PSD3: variants seen among roughly 807,000 people sequenced by gnomAD.
The protein encoded by PSD3 is pleckstrin and Sec7 domain containing 3, also known as PH and SEC7 domain-containing protein 3.
Under a neutral mutation model 105.5 loss-of-function variants are expected in PSD3, and 49 were observed. The ratio of observed to expected loss-of-function variants is 0.46; its 90% CI spans 0.37 to 0.59. The LOEUF is 0.59. Among genes scored for constraint, PSD3 ranks in the 20% least tolerant of loss-of-function variants. The pLI is 0.00. For missense variants in PSD3, 1,561 were observed against 1,263.8 expected, an observed-to-expected ratio of 1.24 and a Z score of -3.57; for synonymous variants, 557 against 457.8, an observed-to-expected ratio of 1.22 and a Z score of -2.77.
intron 9 of PSD3, among the ~76,000 whole-genome samples, chr8:18,666,791 CAG>C (rs1230682892): frequency 2.0e-5 from 3 of 151,606 alleles, no homozygotes; most frequent in Admixed American, 1.3e-4. Flanking sequence ...AGTATGTCAA[CAG>C]AGAGAGCAAT....
Position 18,936,062 on chromosome 8 carries a change from G to A in PSD3, c.102C>T (p.Gly34=), listed in dbSNP as rs771491988. Residue 34 remains glycine, a synonymous_variant, in exon 2 of 16, where the codon GGC becomes GGT. Coordinates refer to ENST00000327040, the MANE Select transcript of PSD3 (RefSeq NM_015310.4). ...VAKAKYEFLF[G]RSEGKAPDTS... ...TATCTGGAGCTTTCCCTTCAGATCT[G>A]CCAAATAAAAATTCATATTTGGCCT... The A allele has an allele frequency of 6.2e-7, 1 of 1,612,658 alleles. No individual in the cohort carries two copies. Among genetic ancestry groups the A allele is most frequent in the Non-Finnish European group, 8.5e-7 (1 of 1,179,180 alleles).
chr8:18,686,880 G>C (rs1043200442), intron 9 of PSD3, among the ~76,000 whole-genome samples: 16 of 152,126 alleles, frequency 1.1e-4, no homozygotes, highest in African/African-American at 3.9e-4. Flanking sequence ...TACTAAGCTG[G>C]CTTCTCCTCA....
intron 9 of PSD3, among the ~76,000 whole-genome samples, chr8:18,731,480 C>A (rs944604867): frequency 1.3e-5 from 2 of 152,156 alleles, no homozygotes; most frequent in African/African-American, 4.8e-5. Context: ...ATTTACTGCC[C>A]TGTATCAAAC....
At chr8:19,023,941 G>C (rs182673279) in intron 1 of PSD3, among the ~76,000 whole-genome samples, 1 of 152,160 alleles carries the variant, frequency 6.6e-6, no homozygotes, top group Non-Finnish European at 1.5e-5. Flanking sequence ...GCACTGTACT[G>C]TACTGACTTG....
chr8:18,530,146 C>G lies in PSD3; in HGVS notation c.*5597G>C, dbSNP rs1319707622. On this transcript the variant is annotated 3_prime_UTR_variant, in exon 16 of 16. Coordinates refer to ENST00000327040, the MANE Select transcript of PSD3 (RefSeq NM_015310.4). ...GCACTCAGCCACTCACTCAAACACA[C>G]TCAGTCACTGCTTTAAATATACCAA... 6.6e-6 allele frequency: 1 copy of G among 152,604 alleles called. No individual in the cohort carries two copies. Among genetic ancestry groups the G allele is most frequent in the Admixed American group, 6.5e-5 (1 of 15,274 alleles). The allele number at this position is 152,604 out of a possible 1,614,324, so 9.5% of individuals were successfully genotyped here. A position where few individuals can be genotyped will look rare whatever the true frequency, so the allele number is the denominator to read the frequency against.
At chr8:18,671,916 C>A (rs987031557) in intron 9 of PSD3, among the ~76,000 whole-genome samples, 1 of 152,280 alleles carries the variant, frequency 6.6e-6, no homozygotes, top group African/African-American at 2.4e-5. Flanking sequence ...CAGGCGTGAG[C>A]CACTGCGCCG....
intron 10 of PSD3, among the ~76,000 whole-genome samples, chr8:18,644,152 A>G (rs185242114): frequency 2.0e-4 from 30 of 152,366 alleles, no homozygotes; most frequent in Admixed American, 1.8e-3. Context: ...TCTTGTATCC[A>G]TAACAATATC....
chr8:18,755,453 A>ATAACG, intron 9 of PSD3, among the ~76,000 whole-genome samples: 2 of 151,762 alleles, frequency 1.3e-5, no homozygotes, highest in Non-Finnish European at 2.9e-5. Flanking sequence ...ATAACATAAC[A>ATAACG]TAACATAACA....
chr8:18,551,361 C>A (rs1800758738), intron 15 of PSD3, among the ~76,000 whole-genome samples: 1 of 152,166 alleles, frequency 6.6e-6, no homozygotes. Flanking sequence ...ATTATCTGTG[C>A]TTCCAGATAT....
At chr8:18,586,112 G>C (rs931616666) in intron 12 of PSD3, among the ~76,000 whole-genome samples, 1 of 152,150 alleles carries the variant, frequency 6.6e-6, no homozygotes, top group African/African-American at 2.4e-5. Context: ...ACATATGGGA[G>C]CATAAACACA....
At chr8:18,827,065 G>A (rs921295209) in intron 4 of PSD3, among the ~76,000 whole-genome samples, 1 of 152,186 alleles carries the variant, frequency 6.6e-6, no homozygotes, top group Non-Finnish European at 1.5e-5. Context: ...GGAAAACAAA[G>A]TTCTCTCACT....
At chr8:18,904,850 C>A (rs1819737619) in intron 2 of PSD3, among the ~76,000 whole-genome samples, 1 of 152,132 alleles carries the variant, frequency 6.6e-6, no homozygotes, top group Admixed American at 6.5e-5. Flanking sequence ...AAAATGTGAT[C>A]TAGAAAGACA....
chr8:18,615,430 C>G (rs774121190), intron 11 of PSD3, among the ~76,000 whole-genome samples: 5 of 152,056 alleles, frequency 3.3e-5, no homozygotes, highest in Admixed American at 6.5e-5. Context: ...CCTCCCTTGT[C>G]CAAGTATGCG....
At chr8:18,536,253 C>T (rs1320159706) in intron 15 of PSD3, among the ~76,000 whole-genome samples, 2 of 152,198 alleles carry the variant, frequency 1.3e-5, no homozygotes, top group Non-Finnish European at 2.9e-5. Flanking sequence ...ATCTAGAACA[C>T]TCAGGCATGA....
At chr8:19,020,452 G>A (rs999338043) in intron 1 of PSD3, among the ~76,000 whole-genome samples, 1 of 152,068 alleles carries the variant, frequency 6.6e-6, no homozygotes, top group African/African-American at 2.4e-5. Flanking sequence ...GCACAGCAAG[G>A]GGTCAGTGTG....
intron 8 of PSD3, among the ~76,000 whole-genome samples, chr8:18,781,844 T>C (rs1808664591): frequency 6.6e-6 from 1 of 152,180 alleles, no homozygotes; most frequent in South Asian, 2.1e-4. Context: ...AATTCCACTA[T>C]TTCGTCATTG....
At chr8:19,082,255 C>A (rs1340826417) in intron 1 of PSD3, among the ~76,000 whole-genome samples, 2 of 152,180 alleles carry the variant, frequency 1.3e-5, no homozygotes, top group Non-Finnish European at 2.9e-5. Context: ...CAACTCCTCT[C>A]TCCCCATGGC....
chr8:18,922,993 A>C (rs1821131373), intron 2 of PSD3, among the ~76,000 whole-genome samples: 1 of 152,132 alleles, frequency 6.6e-6, no homozygotes, highest in Admixed American at 6.5e-5. Context: ...ATTAGTAAGC[A>C]TGATTCACTC....
intron 12 of PSD3, among the ~76,000 whole-genome samples, chr8:18,588,742 T>C (rs962966821): frequency 1.3e-5 from 2 of 152,172 alleles, no homozygotes; most frequent in Admixed American, 6.6e-5. Context: ...TACAAAGTTG[T>C]TCCCTTGTCA....
Sources: allele counts gnomAD v4.1 joint callset (sites outside exome capture counted in the v4.1 genomes callset), GRCh38; gene constraint gnomAD v4.1.1; transcripts MANE v1.5; gene names NCBI Gene and HGNC (gene_info 2026-07-23, HGNC 2026-07-21).